Variants in ATP10B observed in about 807,000 individuals in gnomAD.
The protein encoded by ATP10B is ATPase phospholipid transporting 10B (putative), also known as phospholipid-transporting ATPase VB.
ATP10B carries 122 observed loss-of-function variants against 141.2 expected under a neutral mutation model. The observed-to-expected ratio is 0.86, with a 90% CI of 0.75 to 1.00. ATP10B has a LOEUF of 1.00. Among genes scored for constraint, ATP10B ranks in the 50% least tolerant of loss-of-function variants. The pLI, the probability that ATP10B is intolerant of heterozygous loss-of-function variation, is 0.00. For missense variants in ATP10B, 1,876 were observed against 1,825.3 expected (o/e 1.03, Z -0.51); for synonymous variants, 685 against 692.0 (o/e 0.99, Z 0.16).
At chr5:160,734,196 A>C (rs1352008168) in intron 2 of ATP10B, among the ~76,000 whole-genome samples, 2 of 151,962 alleles carry the variant, frequency 1.3e-5, no homozygotes, top group African/African-American at 4.8e-5. Flanking sequence ...ACTGTAGTGC[A>C]TCAGACCTGC....
chr5:160,782,368 A>T (rs997557541), intron 2 of ATP10B, among the ~76,000 whole-genome samples: 2 of 152,062 alleles, frequency 1.3e-5, no homozygotes, highest in Non-Finnish European at 2.9e-5. Flanking sequence ...GTTCTGTAAC[A>T]ACTCGGTGTA....
chr5:160,912,414 C>CA, the ATP10B span, among the ~76,000 whole-genome samples: 9,258 of 88,354 alleles, frequency 0.1, 987 homozygotes, highest in East Asian at 0.39. Flanking sequence ...CTGTTTCTAC[C>CA]AAAAAAAAAA....
rs146381760 is a variant in ATP10B at position 160,626,775 on chromosome 5, A to G, written c.1621-4190T>C. On this transcript the variant is annotated intron_variant, in intron 13 of 25. Coordinates refer to ENST00000327245, the MANE Select transcript of ATP10B (RefSeq NM_025153.3). ...TAGCAAGGGTCTGTGTTACATGACA[A>G]CCCTACTGTTTTCATTCCTTTCTGG... is the stretch of plus-strand genomic sequence containing the variant. 1.9e-3 allele frequency among the ~76,000 whole-genome samples: 283 copies of G among 152,236 alleles called. 1 individual carries two copies. Among genetic ancestry groups the G allele is most frequent in the African/African-American group, 6.5e-3 (272 of 41,548 alleles).
intron 24 of ATP10B, among the ~76,000 whole-genome samples, chr5:160,580,546 T>C (rs1392815854): frequency 1.2e-4 from 18 of 152,244 alleles, no homozygotes; most frequent in Admixed American, 5.9e-4. Context: ...TTTGATGTGC[T>C]GCTGGATTTG....
chr5:160,829,679 C>T (rs1774924457), intron 1 of ATP10B, among the ~76,000 whole-genome samples: 1 of 151,968 alleles, frequency 6.6e-6, no homozygotes, highest in Non-Finnish European at 1.5e-5. Flanking sequence ...TCATCTCATT[C>T]GTTAGCTGGA....
intron 7 of ATP10B, among the ~76,000 whole-genome samples, chr5:160,650,664 T>G (rs1200684562): frequency 6.6e-6 from 1 of 152,198 alleles, no homozygotes; most frequent in Non-Finnish European, 1.5e-5. Context: ...GAAGTAGGTC[T>G]TCAGGACCCA....
intron 2 of ATP10B, among the ~76,000 whole-genome samples, chr5:160,746,616 T>G (rs2127815157): frequency 1.3e-5 from 2 of 152,248 alleles, no homozygotes; most frequent in South Asian, 4.1e-4. Context: ...GGTCTCGCAC[T>G]CCTGACCTTA....
At chr5:160,666,342 G>A (rs937249420) in intron 7 of ATP10B, among the ~76,000 whole-genome samples, 6 of 152,138 alleles carry the variant, frequency 3.9e-5, no homozygotes, top group Admixed American at 3.9e-4. Flanking sequence ...AAAACTTCCC[G>A]TGTGATGATT....
At chr5:160,570,686 G>T (rs547183854) in intron 24 of ATP10B, among the ~76,000 whole-genome samples, 88 of 152,306 alleles carry the variant, frequency 5.8e-4, no homozygotes, top group Non-Finnish European at 1.0e-3. Context: ...TATTCACTAA[G>T]ATCTACTCAC....
At chr5:160,925,413 C>T in the ATP10B span, among the ~76,000 whole-genome samples, 89 of 152,306 alleles carry the variant, frequency 5.8e-4, no homozygotes, top group Middle Eastern at 3.4e-3. Flanking sequence ...TTATCACCCC[C>T]GTTTGTAGAC....
chr5:160,877,157 C>G, the ATP10B span, among the ~76,000 whole-genome samples: 1 of 152,112 alleles, frequency 6.6e-6, no homozygotes, highest in African/African-American at 2.4e-5. Flanking sequence ...CAAAACGAAT[C>G]CAGCTGCATA....
chr5:160,825,748 A>C (rs1221452064), intron 1 of ATP10B, among the ~76,000 whole-genome samples: 1 of 152,082 alleles, frequency 6.6e-6, no homozygotes, highest in Admixed American at 6.6e-5. Flanking sequence ...TACTGTATCC[A>C]GGTAGTGAGC....
intron 24 of ATP10B, among the ~76,000 whole-genome samples, chr5:160,573,213 T>G (rs936073144): frequency 6.6e-6 from 1 of 152,174 alleles, no homozygotes; most frequent in Admixed American, 6.5e-5. Flanking sequence ...TTGATCCTTC[T>G]CTCTTTCATT....
intron 24 of ATP10B, 69 bp from the exon 25 acceptor site, chr5:160,569,752 C>G: frequency 3.2e-6 from 4 of 1,242,086 alleles, no homozygotes; most frequent in Non-Finnish European, 4.4e-6. Flanking sequence ...GATCAAACTA[C>G]TTGATTAACT....
At chr5:160,665,594 T>C (rs1762274547) in intron 7 of ATP10B, among the ~76,000 whole-genome samples, 1 of 152,222 alleles carries the variant, frequency 6.6e-6, no homozygotes, top group South Asian at 2.1e-4. Flanking sequence ...AGCTTCTTAA[T>C]TTGACTTGTA....
intron 11 of ATP10B, among the ~76,000 whole-genome samples, chr5:160,635,882 G>C (rs1274426865): frequency 1.3e-5 from 2 of 152,168 alleles, no homozygotes; most frequent in African/African-American, 4.8e-5. Context: ...TGTTTTATCT[G>C]TTCTGGCAAA....
chr5:160,576,940 C>A (rs1383153868), intron 24 of ATP10B, among the ~76,000 whole-genome samples: 1 of 152,142 alleles, frequency 6.6e-6, no homozygotes, highest in Non-Finnish European at 1.5e-5. Flanking sequence ...TAGATGTTGG[C>A]ACATTGGAGA....
the ATP10B span, among the ~76,000 whole-genome samples, chr5:160,919,041 C>A: frequency 2.0e-5 from 3 of 150,102 alleles, no homozygotes; most frequent in African/African-American, 7.4e-5. Flanking sequence ...CTGGCTAACA[C>A]GGTGAAACCC....
chr5:160,601,883 G>T (rs1469625443), intron 21 of ATP10B, among the ~76,000 whole-genome samples: 1 of 152,186 alleles, frequency 6.6e-6, no homozygotes, highest in East Asian at 1.9e-4. Flanking sequence ...AAGCCCAGGG[G>T]CACTGAAGTG....
Sources: allele counts gnomAD v4.1 joint callset (sites outside exome capture counted in the v4.1 genomes callset), GRCh38; gene constraint gnomAD v4.1.1; transcripts MANE v1.5; gene names NCBI Gene and HGNC (gene_info 2026-07-23, HGNC 2026-07-21).